PTPRT: variants seen among roughly 807,000 people sequenced by gnomAD.
PTPRT encodes the protein protein tyrosine phosphatase receptor type T.
In PTPRT, 56 loss-of-function variants were observed where a neutral mutation model predicts 176.8. The ratio of observed to expected loss-of-function variants is 0.32; its 90% CI spans 0.26 to 0.40. The LOEUF (loss-of-function observed/expected upper bound fraction) is 0.40, where lower values mean the gene tolerates loss of function less well. Ranked by LOEUF, PTPRT falls within the 10% of genes least tolerant of loss-of-function variation. PTPRT has a pLI of 1.00. For missense variants in PTPRT, 1,540 were observed against 1,908.2 expected (o/e 0.81, Z 3.60); for synonymous variants, 783 against 739.0 (o/e 1.06, Z -0.96).
At chr20:42,708,557 C>T (rs1210995627) in intron 6 of PTPRT, among the ~76,000 whole-genome samples, 1 of 152,136 alleles carries the variant, frequency 6.6e-6, no homozygotes, top group Non-Finnish European at 1.5e-5. Flanking sequence ...ATACTTGGGG[C>T]TAAAATTGCA....
chr20:42,451,566 G>A (rs1208084470), intron 8 of PTPRT, among the ~76,000 whole-genome samples: 2 of 152,078 alleles, frequency 1.3e-5, no homozygotes, highest in African/African-American at 2.4e-5. Flanking sequence ...ACAATTAGGA[G>A]GAAAATGAAT....
At chr20:42,068,973 C>T (rs369516986), downstream of PTPRT, among the ~76,000 whole-genome samples, 1 of 152,316 alleles carries the variant, frequency 6.6e-6, no homozygotes. Flanking sequence ...AAAGGAGATA[C>T]TAATTCTCTT....
chr20:43,083,347 T>TATATATATATAAAC (rs1555828977), intron 1 of PTPRT, among the ~76,000 whole-genome samples: 1 of 97,786 alleles, frequency 1.0e-5, no homozygotes, highest in African/African-American at 3.6e-5. Context: ...TATATATATA[T>TATATATATATAAAC]ATATATATAT....
intron 16 of PTPRT, among the ~76,000 whole-genome samples, chr20:42,191,769 T>C (rs1991012482): frequency 6.6e-6 from 1 of 152,186 alleles, no homozygotes; most frequent in Non-Finnish European, 1.5e-5. Context: ...AAAGCAGGAA[T>C]GAATGAAGTT....
At chr20:42,310,233 T>A (rs917834481) in intron 12 of PTPRT, among the ~76,000 whole-genome samples, 4 of 152,122 alleles carry the variant, frequency 2.6e-5, no homozygotes, top group Non-Finnish European at 5.9e-5. Flanking sequence ...TCTGGGCAAC[T>A]CTTTTTGAGG....
At chr20:42,890,260 A>T (rs1176707643) in intron 1 of PTPRT, among the ~76,000 whole-genome samples, 1 of 152,190 alleles carries the variant, frequency 6.6e-6, no homozygotes, top group Non-Finnish European at 1.5e-5. Context: ...AAGTTTTAAG[A>T]ACTATTCAGG....
At chr20:42,059,255 G>A in the PTPRT span, among the ~76,000 whole-genome samples, 2 of 152,118 alleles carry the variant, frequency 1.3e-5, no homozygotes, top group Non-Finnish European at 2.9e-5. Flanking sequence ...CTTCCTCACA[G>A]GGCCGTGTGT....
chr20:42,742,359 T>C (rs1473018829), intron 6 of PTPRT, among the ~76,000 whole-genome samples: 2 of 152,234 alleles, frequency 1.3e-5, no homozygotes, highest in East Asian at 1.9e-4. Context: ...TAGCACCACC[T>C]GCCCCGCCCT....
intron 6 of PTPRT, 133 bp downstream of exon 6, chr20:42,756,329 A>G: frequency 1.1e-6 from 1 of 939,636 alleles, no homozygotes; most frequent in South Asian, 2.5e-5. Context: ...TTGGGGAGGG[A>G]GGCCAGAGTG....
chr20:43,143,144 A>T (rs1323619237), intron 1 of PTPRT, among the ~76,000 whole-genome samples: 8 of 152,162 alleles, frequency 5.3e-5, no homozygotes, highest in Admixed American at 3.3e-4. Context: ...GACAATGTTC[A>T]GGGGTGGTGA....
chr20:42,225,692 G>A (rs563733593), intron 15 of PTPRT, among the ~76,000 whole-genome samples: 10 of 152,148 alleles, frequency 6.6e-5, no homozygotes, highest in East Asian at 1.9e-4. Context: ...ACTCTTTGTC[G>A]CCCAGGCTGG....
At chr20:42,197,450 A>T (rs764031691) in intron 16 of PTPRT, among the ~76,000 whole-genome samples, 21 of 151,440 alleles carry the variant, frequency 1.4e-4, no homozygotes, top group Non-Finnish European at 2.8e-4. Flanking sequence ...GTTCTAGATC[A>T]AAGAGGATAA....
At chr20:43,050,410 C>A (rs1032360833) in intron 1 of PTPRT, among the ~76,000 whole-genome samples, 20 of 152,184 alleles carry the variant, frequency 1.3e-4, no homozygotes, top group African/African-American at 4.3e-4. Flanking sequence ...ACTAAAGGCC[C>A]GGATTGGTGC....
chr20:42,233,328 A>C (rs1600708245), intron 15 of PTPRT, among the ~76,000 whole-genome samples: 1 of 152,246 alleles, frequency 6.6e-6, no homozygotes, highest in Non-Finnish European at 1.5e-5. Context: ...CATATGACTC[A>C]CATGACCATT....
At chr20:42,738,403 T>G (rs2076567070) in intron 6 of PTPRT, among the ~76,000 whole-genome samples, 1 of 151,918 alleles carries the variant, frequency 6.6e-6, no homozygotes, top group Admixed American at 6.6e-5. Flanking sequence ...TCCCAGCTAC[T>G]CGGGAGGCTG....
At chr20:42,277,240 T>C (rs2057054935) in intron 13 of PTPRT, among the ~76,000 whole-genome samples, 2 of 152,196 alleles carry the variant, frequency 1.3e-5, no homozygotes, top group Admixed American at 1.3e-4. Flanking sequence ...AGATTAAAAC[T>C]GTGGCTGTCT....
chr20:42,711,880 T>C (rs1181387457), intron 6 of PTPRT, among the ~76,000 whole-genome samples: 2 of 151,782 alleles, frequency 1.3e-5, no homozygotes, highest in Admixed American at 1.3e-4. Context: ...AATCATTGGC[T>C]CAAAAGCACA....
intron 1 of PTPRT, among the ~76,000 whole-genome samples, chr20:42,939,884 A>G (rs75283530): frequency 0.019 from 2,895 of 152,294 alleles, 56 homozygotes; most frequent in Middle Eastern, 0.054. Context: ...TCTAATAAAT[A>G]GATAAATAGA....
intron 17 of PTPRT, among the ~76,000 whole-genome samples, chr20:42,145,294 G>A (rs566912755): frequency 1.3e-3 from 201 of 152,294 alleles, no homozygotes; most frequent in Non-Finnish European, 2.5e-3. Context: ...GAGGTCAGGA[G>A]TTCAAGACCA....
Sources: allele counts gnomAD v4.1 joint callset (sites outside exome capture counted in the v4.1 genomes callset), GRCh38; gene constraint gnomAD v4.1.1; transcripts MANE v1.5; gene names NCBI Gene and HGNC (gene_info 2026-07-23, HGNC 2026-07-21).